Variants in LYN observed in about 807,000 individuals in gnomAD.
The protein encoded by LYN is tyrosine-protein kinase Lyn.
Under a neutral mutation model 65.0 loss-of-function variants are expected in LYN, and 12 were observed. The ratio of observed to expected loss-of-function variants is 0.18; its 90% CI spans 0.12 to 0.30. The LOEUF (loss-of-function observed/expected upper bound fraction) is 0.30, where lower values mean the gene tolerates loss of function less well. Ranked by LOEUF, LYN falls within the 10% of genes least tolerant of loss-of-function variation. LYN has a pLI of 1.00. For synonymous variants in LYN, 222 were observed against 221.2 expected (o/e 1.00, Z -0.03); for missense variants, 380 against 623.2 (o/e 0.61, Z 4.16).
At chr8:55,987,723 T>C (rs964066627) in intron 10 of LYN, among the ~76,000 whole-genome samples, 2 of 152,156 alleles carry the variant, frequency 1.3e-5, no homozygotes, top group Non-Finnish European at 2.9e-5. Context: ...GCTCAAATCC[T>C]TTCTTTTTAA....
At chr8:55,899,605 A>G (rs1333445918) in intron 1 of LYN, among the ~76,000 whole-genome samples, 1 of 152,186 alleles carries the variant, frequency 6.6e-6, no homozygotes, top group African/African-American at 2.4e-5. Flanking sequence ...CCTTATAACA[A>G]GTGTGTGAAG....
chr8:55,915,930 C>T (rs1262453882), intron 1 of LYN, among the ~76,000 whole-genome samples: 1 of 152,098 alleles, frequency 6.6e-6, no homozygotes, highest in Non-Finnish European at 1.5e-5. Flanking sequence ...TCACCATAAG[C>T]TCTAAGATAT....
chr8:55,900,741 G>C (rs1805237846), intron 1 of LYN, among the ~76,000 whole-genome samples: 1 of 152,008 alleles, frequency 6.6e-6, no homozygotes, highest in Non-Finnish European at 1.5e-5. Flanking sequence ...ATTTAATTAT[G>C]TTTGGATTAA....
chr8:55,911,217 A>ATATATATACATATATACACG (rs1462747111), intron 1 of LYN, among the ~76,000 whole-genome samples: 6 of 18,010 alleles, frequency 3.3e-4, no homozygotes, highest in Non-Finnish European at 7.2e-4. Context: ...ATACACGTGT[A>ATATATATACATATATACACG]TATATATATA....
In LYN at chr8:55,988,409, T is replaced by TA. The variant is rs908809922; in HGVS notation, c.1051-9930dup. Among the ~76,000 whole-genome samples, 9 of 152,084 alleles carry TA rather than the reference T, an allele frequency of 5.9e-5. No individual in the cohort carries two copies. In the East Asian group the frequency reaches 7.7e-4, roughly 13 times the overall value. ...GATTGACTCCAGGGGCTTCCTGTTA[T>TA]AAAAAAATCCTTTAGAGAGACTGTA... On this transcript the variant is annotated intron_variant, in intron 10 of 12. Coordinates refer to ENST00000519728, the MANE Select transcript of LYN (RefSeq NM_002350.4).
At chr8:55,981,370 T>G (rs1268953341) in intron 10 of LYN, among the ~76,000 whole-genome samples, 1 of 152,350 alleles carries the variant, frequency 6.6e-6, no homozygotes, top group South Asian at 2.1e-4. Context: ...GCCTTGTATA[T>G]AGTAGATGCT....
intron 1 of LYN, among the ~76,000 whole-genome samples, chr8:55,903,789 G>A (rs1805347143): frequency 6.6e-6 from 1 of 152,302 alleles, no homozygotes; most frequent in East Asian, 1.9e-4. Context: ...CAAGGTAGGA[G>A]GATTACTTGA....
At chr8:55,882,907 A>G (rs1215804117) in intron 1 of LYN, among the ~76,000 whole-genome samples, 2 of 152,196 alleles carry the variant, frequency 1.3e-5, no homozygotes, top group Admixed American at 1.3e-4. Context: ...TGTGTGCTCA[A>G]TTACAAATGC....
chr8:55,902,832 C>G (rs1805310337), intron 1 of LYN: 1 of 489,216 alleles, frequency 2.0e-6, no homozygotes, highest in African/African-American at 2.0e-5. Context: ...ATCAACAGTG[C>G]CCATTCTCAT....
intron 8 of LYN, among the ~76,000 whole-genome samples, chr8:55,965,600 C>T (rs372580201): frequency 1.3e-5 from 2 of 152,156 alleles, no homozygotes; most frequent in African/African-American, 2.4e-5. Context: ...CGTAATCACA[C>T]CATTGGAAAT....
At chr8:55,939,231 C>T (rs1806526598) in intron 1 of LYN, among the ~76,000 whole-genome samples, 1 of 152,188 alleles carries the variant, frequency 6.6e-6, no homozygotes, top group African/African-American at 2.4e-5. Flanking sequence ...GGACCCCAAA[C>T]ACTTTGTGAG....
intron 10 of LYN, among the ~76,000 whole-genome samples, chr8:55,994,483 C>T (rs139057576): frequency 9.9e-5 from 15 of 152,218 alleles, no homozygotes; most frequent in East Asian, 5.8e-4. Context: ...TATGCAAATG[C>T]GGGATGTGGG....
intron 1 of LYN, among the ~76,000 whole-genome samples, chr8:55,896,478 G>A (rs1224401796): frequency 6.6e-6 from 1 of 151,810 alleles, no homozygotes; most frequent in Non-Finnish European, 1.5e-5. Flanking sequence ...CACAGGGAGG[G>A]GAACATCACA....
chr8:56,000,727 C>CAAAAAAAA (rs1043054300), intron 12 of LYN, among the ~76,000 whole-genome samples: 1 of 46,832 alleles, frequency 2.1e-5, no homozygotes, highest in African/African-American at 7.0e-5. Flanking sequence ...GACTCTGTCT[C>CAAAAAAAA]AAAAAAAAAA....
intron 10 of LYN, among the ~76,000 whole-genome samples, chr8:55,974,877 C>T (rs16922502): frequency 0.22 from 33,469 of 151,936 alleles, 3,757 homozygotes; most frequent in Middle Eastern, 0.27. Context: ...TCGAGTCAGA[C>T]GTGGTGGCAA....
At chr8:55,924,951 C>T (rs1210296229) in intron 1 of LYN, among the ~76,000 whole-genome samples, 2 of 151,888 alleles carry the variant, frequency 1.3e-5, no homozygotes, top group Non-Finnish European at 2.9e-5. Flanking sequence ...AAGCGATTTT[C>T]CTGCCTCAGC....
intron 10 of LYN, among the ~76,000 whole-genome samples, chr8:55,994,824 C>G (rs1047166317): frequency 2.6e-5 from 4 of 152,180 alleles, no homozygotes; most frequent in African/African-American, 9.7e-5. Flanking sequence ...AGCCGGGAGG[C>G]TGGGACAGAG....
intron 10 of LYN, among the ~76,000 whole-genome samples, chr8:55,986,935 G>C (rs1808088029): frequency 6.6e-6 from 1 of 152,100 alleles, no homozygotes; most frequent in Non-Finnish European, 1.5e-5. Flanking sequence ...ACGTTGTCCA[G>C]GGTGTTCTGA....
chr8:56,010,383 G>T lies in LYN; in HGVS notation c.*273G>T. The T allele has an allele frequency of 2.3e-6, 1 of 439,592 alleles. No individual in the cohort carries two copies. The highest frequency in any genetic ancestry group is 4.2e-6 in the Non-Finnish European group (1 of 238,614). 27.2% of individuals were successfully genotyped at this position (439,592 alleles called of 1,614,324 possible). A position where few individuals can be genotyped will look rare whatever the true frequency, so the allele number is the denominator to read the frequency against. On this transcript the variant is annotated 3_prime_UTR_variant, in exon 13 of 13. Coordinates refer to ENST00000519728, the MANE Select transcript of LYN (RefSeq NM_002350.4). ...ACAACATCTGAGTGCAGCCGTTTGA[G>T]AAGAAAACATCTATTCTCTCCAAAA... is the stretch of plus-strand genomic sequence containing the variant.
Sources: allele counts gnomAD v4.1 joint callset (sites outside exome capture counted in the v4.1 genomes callset), GRCh38; gene constraint gnomAD v4.1.1; transcripts MANE v1.5; gene names NCBI Gene and HGNC (gene_info 2026-07-23, HGNC 2026-07-21).